PTDSS1: variants seen among roughly 807,000 people sequenced by gnomAD.
PTDSS1 encodes PSS-1.
PTDSS1 carries 45 observed loss-of-function variants against 70.5 expected under a neutral mutation model. The ratio of observed to expected loss-of-function variants is 0.64; its 90% confidence interval spans 0.50 to 0.82. The LOEUF is 0.82. Ranked by LOEUF, PTDSS1 falls within the 40% of genes least tolerant of loss-of-function variation. The pLI is 0.00. For synonymous variants in PTDSS1, 188 were observed against 203.8 expected (o/e 0.92, Z 0.66); for missense variants, 417 against 586.1 (o/e 0.71, Z 2.98).
chr8:96,274,199 G>A (rs1025760195), intron 2 of PTDSS1, among the ~76,000 whole-genome samples: 3 of 151,070 alleles, frequency 2.0e-5, no homozygotes, highest in African/African-American at 7.3e-5. Context: ...TTTCTTAGGG[G>A]TTATTCTCCA....
chr8:96,296,815 T>C (rs542581351), intron 5 of PTDSS1, among the ~76,000 whole-genome samples: 2 of 152,336 alleles, frequency 1.3e-5, no homozygotes, highest in African/African-American at 4.8e-5. Context: ...CCTGCCCTTA[T>C]ACCACATTCC....
At chr8:96,277,785 G>C (rs1810669815) in intron 2 of PTDSS1, among the ~76,000 whole-genome samples, 1 of 152,236 alleles carries the variant, frequency 6.6e-6, no homozygotes. Flanking sequence ...CAGGAAGGGA[G>C]CCTTGTGATT....
intron 9 of PTDSS1, among the ~76,000 whole-genome samples, chr8:96,312,054 T>C (rs2874041): frequency 0.41 from 63,053 of 152,114 alleles, 13,785 homozygotes; most frequent in East Asian, 0.61. Flanking sequence ...TGTATCGATT[T>C]ACGTGTTGAG....
At chr8:96,287,585 G>A (rs566510539) in intron 4 of PTDSS1, among the ~76,000 whole-genome samples, 1 of 152,054 alleles carries the variant, frequency 6.6e-6, no homozygotes, top group Non-Finnish European at 1.5e-5. Context: ...CCATGTTGTT[G>A]GGCCATGCCC....
At chr8:96,290,104 T>C (rs1217640788) in intron 4 of PTDSS1, among the ~76,000 whole-genome samples, 1 of 152,178 alleles carries the variant, frequency 6.6e-6, no homozygotes, top group Non-Finnish European at 1.5e-5. Flanking sequence ...AAGCTTAAAA[T>C]GCAGTATCTC....
intron 9 of PTDSS1, among the ~76,000 whole-genome samples, chr8:96,314,477 C>T (rs1458310232): frequency 2.6e-5 from 4 of 152,132 alleles, no homozygotes; most frequent in African/African-American, 7.2e-5. Context: ...CGCCGTCCTG[C>T]TGGTATAGCT....
intron 10 of PTDSS1, among the ~76,000 whole-genome samples, chr8:96,325,283 C>T (rs1563585225): frequency 6.6e-6 from 1 of 152,190 alleles, no homozygotes; most frequent in Non-Finnish European, 1.5e-5. Context: ...TTCATCACTG[C>T]CCTCCAAGGA....
intron 1 of PTDSS1, among the ~76,000 whole-genome samples, chr8:96,272,879 G>A (rs1810586285): frequency 6.6e-6 from 1 of 152,142 alleles, no homozygotes; most frequent in African/African-American, 2.4e-5. Context: ...AAAAACTGGT[G>A]TTCCTGGAAA....
chr8:96,327,598 C>G (rs1029064272), intron 10 of PTDSS1, among the ~76,000 whole-genome samples: 2 of 152,138 alleles, frequency 1.3e-5, no homozygotes, highest in Non-Finnish European at 2.9e-5. Context: ...AAGCAAAGCC[C>G]CTAATTACTC....
chr8:96,270,543 G>T (rs887315117), intron 1 of PTDSS1, among the ~76,000 whole-genome samples: 3 of 152,142 alleles, frequency 2.0e-5, no homozygotes, highest in African/African-American at 7.2e-5. Context: ...TGTTCTAAAT[G>T]AGGTGGGGAC....
chr8:96,330,261 C>T lies in PTDSS1; in HGVS notation c.1222C>T (p.His408Tyr). Residue 408 changes from histidine to tyrosine, a missense_variant, in exon 11 of 13, where the codon CAC becomes TAC. By Grantham distance (83) the His-to-Tyr change is moderately conservative. Transcript: ENST00000517309. Reference sequence around the variant, plus strand: ...GTACGGCATGATTTGGTATGCAGAACACTATGGTCACCGAGAAAAGGTATG... The same window carrying T: ...GTACGGCATGATTTGGTATGCAGAATACTATGGTCACCGAGAAAAGGTATG... ...CLYGMIWYAE[H>Y]YGHREKTYSE... The T allele has an allele frequency of 1.2e-6, 2 of 1,612,016 alleles. No homozygotes were observed. Among genetic ancestry groups the T allele is most frequent in the South Asian group, 2.2e-5 (2 of 91,032 alleles).
chr8:96,299,598 TTC>T (rs1465329809), intron 5 of PTDSS1, 94 bp from the exon 6 acceptor site: 5 of 1,288,492 alleles, frequency 3.9e-6, no homozygotes, highest in Non-Finnish European at 5.3e-6. Flanking sequence ...CAACAACTTC[TTC>T]TAAAATAATG....
intron 9 of PTDSS1, among the ~76,000 whole-genome samples, chr8:96,314,569 G>A (rs1291206061): frequency 6.6e-6 from 1 of 151,992 alleles, no homozygotes; most frequent in Non-Finnish European, 1.5e-5. Flanking sequence ...CTGCACTCAA[G>A]TGCACCTCCA....
At chr8:96,299,641 A>G in intron 5 of PTDSS1, 53 bp from the exon 6 acceptor site, 6 of 1,513,124 alleles carry the variant, frequency 4.0e-6, no homozygotes, top group South Asian at 1.3e-5. Flanking sequence ...ATCTATCTGC[A>G]TGGTACCCCA....
At chr8:96,263,484 G>A (rs1269695318) in intron 1 of PTDSS1, among the ~76,000 whole-genome samples, 2 of 152,194 alleles carry the variant, frequency 1.3e-5, no homozygotes, top group African/African-American at 4.8e-5. Context: ...GGCCACACTC[G>A]TAAAATGGGG....
At chr8:96,311,629 C>G (rs906204712) in intron 9 of PTDSS1, among the ~76,000 whole-genome samples, 4 of 152,132 alleles carry the variant, frequency 2.6e-5, no homozygotes, top group African/African-American at 9.7e-5. Flanking sequence ...TAGATTTAGG[C>G]AGGTTCCTCC....
intron 6 of PTDSS1, among the ~76,000 whole-genome samples, chr8:96,300,810 G>A (rs1358502334): frequency 6.6e-6 from 1 of 152,052 alleles, no homozygotes; most frequent in Non-Finnish European, 1.5e-5. Context: ...CAAAGTTTTT[G>A]CTTTCATAAA....
intron 2 of PTDSS1, among the ~76,000 whole-genome samples, chr8:96,278,442 A>G (rs1420570587): frequency 6.6e-6 from 1 of 152,194 alleles, no homozygotes; most frequent in Non-Finnish European, 1.5e-5. Context: ...GAGTTCTTTC[A>G]TTCAGTCCCA....
intron 2 of PTDSS1, among the ~76,000 whole-genome samples, chr8:96,276,221 A>T (rs1404209220): frequency 6.6e-6 from 1 of 152,234 alleles, no homozygotes; most frequent in African/African-American, 2.4e-5. Flanking sequence ...CTAAGTCTTT[A>T]GCGGGAGCTG....
Sources: gnomAD v4.1 joint callset for allele counts (sites outside exome capture counted in the v4.1 genomes callset) on GRCh38, gnomAD v4.1.1 for gene constraint, MANE v1.5 for transcripts, NCBI Gene and HGNC (gene_info 2026-07-23, HGNC 2026-07-21) for gene names.